Variants in ITPKB observed in about 807,000 individuals in gnomAD.
ITPKB encodes the protein IP3 3-kinase B.
Under a neutral mutation model 69.4 loss-of-function variants are expected in ITPKB, and 13 were observed. The ratio of observed to expected loss-of-function variants is 0.19; its 90% CI spans 0.12 to 0.30. The LOEUF is 0.30. Among genes scored for constraint, ITPKB ranks in the 10% least tolerant of loss-of-function variants. The probability of loss-of-function intolerance (pLI) is 1.00; values close to 1 mark genes in which losing one functional copy is unlikely to be tolerated. For synonymous variants in ITPKB, 584 were observed against 513.7 expected, an observed-to-expected ratio of 1.14 and a Z score of -1.85; for missense variants, 1,240 against 1,250.5, an observed-to-expected ratio of 0.99 and a Z score of 0.13.
intron 2 of ITPKB, among the ~76,000 whole-genome samples, chr1:226,694,486 T>C (rs1656430779): frequency 6.6e-6 from 1 of 152,196 alleles, no homozygotes; most frequent in Admixed American, 6.5e-5. Context: ...TAACAACTGA[T>C]CAACTGATGA....
At chr1:226,714,939 G>T (rs965098024) in intron 2 of ITPKB, among the ~76,000 whole-genome samples, 9 of 152,242 alleles carry the variant, frequency 5.9e-5, no homozygotes, top group Non-Finnish European at 1.0e-4. Flanking sequence ...ATGGGGGGAG[G>T]TGCTACTGAC....
At chr1:226,651,667 G>C (rs1277617098) in intron 2 of ITPKB, among the ~76,000 whole-genome samples, 2 of 152,224 alleles carry the variant, frequency 1.3e-5, no homozygotes, top group African/African-American at 4.8e-5. Context: ...GACCCAGGAA[G>C]GTGAACAGAT....
intron 2 of ITPKB, among the ~76,000 whole-genome samples, chr1:226,681,172 G>A (rs1420293395): frequency 6.6e-6 from 1 of 152,086 alleles, no homozygotes; most frequent in East Asian, 1.9e-4. Context: ...CCTAACGTGG[G>A]GTGCTTCTCA....
intron 2 of ITPKB, among the ~76,000 whole-genome samples, chr1:226,685,622 C>A (rs1365153268): frequency 1.3e-5 from 2 of 152,222 alleles, no homozygotes; most frequent in Non-Finnish European, 2.9e-5. Context: ...CTCCCTGCAG[C>A]CTCTACCCAA....
intron 2 of ITPKB, among the ~76,000 whole-genome samples, chr1:226,658,818 C>G (rs3820638): frequency 3.9e-5 from 6 of 152,092 alleles, no homozygotes; most frequent in African/African-American, 1.4e-4. Context: ...TCAGAAGCAA[C>G]TGCTGGGCCT....
chr1:226,678,684 C>G (rs1467287085), intron 2 of ITPKB, among the ~76,000 whole-genome samples: 1 of 152,050 alleles, frequency 6.6e-6, no homozygotes, highest in Non-Finnish European at 1.5e-5. Flanking sequence ...CAGTCCTGGC[C>G]AGAGAGAAAA....
intron 2 of ITPKB, among the ~76,000 whole-genome samples, chr1:226,733,823 G>A (rs185798275): frequency 2.0e-5 from 3 of 152,260 alleles, no homozygotes; most frequent in South Asian, 4.1e-4. Flanking sequence ...GTCACCTGTC[G>A]TTATTGATCT....
In ITPKB at chr1:226,737,170, C is replaced by T. The variant is rs1489336217; in HGVS notation, c.289G>A (p.Val97Met). The change falls in exon 2 of 8, where the codon GTG (valine) becomes ATG (methionine). Residue 97 changes from valine to methionine, a missense_variant. This residue lies in a region of ITPKB where 992 missense variants were observed against 853.8 expected (regional missense o/e 1.16). Coordinates refer to ENST00000429204, the MANE Select transcript of ITPKB (RefSeq NM_002221.4). ...CGACCAGCCCAACTTGGGCTGCTCACGCTACTGCCGCTGCTGCCGCTGCCA... is the reference window on the plus strand; with the variant it reads ...CGACCAGCCCAACTTGGGCTGCTCATGCTACTGCCGCTGCTGCCGCTGCCA... ...GSGSGSSGSS[V>M]SSPSWAGRLR... The T allele has an allele frequency of 3.2e-6, 5 of 1,578,840 alleles. No homozygotes were observed. The Admixed American group carries it at 8.7e-5, about 27-fold the overall frequency.
chr1:226,701,629 A>C (rs926054343), intron 2 of ITPKB, among the ~76,000 whole-genome samples: 14 of 150,618 alleles, frequency 9.3e-5, no homozygotes, highest in Admixed American at 2.7e-4. Flanking sequence ...AAAAAAAAAA[A>C]AACTTCACTT....
intron 2 of ITPKB, chr1:226,676,242 T>C (rs549872382): frequency 3.3e-5 from 5 of 152,324 alleles, no homozygotes; most frequent in African/African-American, 1.2e-4. Flanking sequence ...CAGGGTTGGT[T>C]TGGGATGGTG....
chr1:226,709,273 A>G (rs925646064), intron 2 of ITPKB, among the ~76,000 whole-genome samples: 18 of 152,080 alleles, frequency 1.2e-4, no homozygotes, highest in Non-Finnish European at 2.5e-4. Context: ...TTCTGGCTGC[A>G]CCCCCTCCCT....
intron 6 of ITPKB, among the ~76,000 whole-genome samples, chr1:226,638,036 G>A (rs906781890): frequency 2.0e-5 from 3 of 152,216 alleles, no homozygotes; most frequent in African/African-American, 7.2e-5. Flanking sequence ...GCTGGCCTTG[G>A]GGGGTGCCCC....
At chr1:226,682,857 T>A (rs2102775051) in intron 2 of ITPKB, among the ~76,000 whole-genome samples, 1 of 152,284 alleles carries the variant, frequency 6.6e-6, no homozygotes, top group Admixed American at 6.5e-5. Context: ...AGTCCCTTTT[T>A]CTCTGCAAGT....
chr1:226,634,884 G>A lies in ITPKB; in HGVS notation c.2628C>T (p.Val876=), dbSNP rs144146349. Residue 876 remains valine, a splice_region_variant and synonymous_variant, in exon 8 of 8, where the codon GTC becomes GTT. Coordinates refer to ENST00000429204, the MANE Select transcript of ITPKB (RefSeq NM_002221.4). This position sits in a 1 kb window ranked among gnomAD's most constrained non-coding sequence, Gnocchi z 6.3. The part of the protein sequence containing the change: ...EVSPFFKCHE[V]IGSSLLFIHD... ...GGATGAAGAGGAGGGAGCTGCCAAT[G>A]ACCTGAGGAGAACATGGGGGTGAAG... The A allele has an allele frequency of 3.7e-4, 604 of 1,611,472 alleles. 1 individual carries two copies. Among genetic ancestry groups the A allele is most frequent in the Non-Finnish European group, 4.8e-4 (562 of 1,178,290 alleles).
rs757138117 is a variant in ITPKB at position 226,665,627 on chromosome 1, G to A, written c.1933-16856C>T. 8.5e-5 allele frequency among the ~76,000 whole-genome samples: 13 copies of A among 152,134 alleles called. No homozygotes were observed. The South Asian group carries it at 1.2e-3, about 15-fold the overall frequency. ...CACAAAAGCTACCTCGGTGGTCACC[G>A]GCGGGGGCTGAGATGGAAGCCAGGA... On this transcript the variant is annotated intron_variant, in intron 2 of 7. Transcript: ENST00000429204.
At chr1:226,728,145 T>C (rs1286439641) in intron 2 of ITPKB, among the ~76,000 whole-genome samples, 1 of 152,218 alleles carries the variant, frequency 6.6e-6, no homozygotes, top group East Asian at 1.9e-4. Context: ...CAGAGGTTCA[T>C]TCTGCTTCCT....
chr1:226,673,948 T>TC (rs1669674127), intron 2 of ITPKB, among the ~76,000 whole-genome samples: 1 of 152,136 alleles, frequency 6.6e-6, no homozygotes, highest in South Asian at 2.1e-4. Context: ...GGGCCTTTCT[T>TC]CCCCATGACT....
intron 7 of ITPKB, among the ~76,000 whole-genome samples, 178 bp from the exon 8 acceptor site, chr1:226,635,064 G>A (rs1248132876): frequency 2.0e-5 from 3 of 152,194 alleles, no homozygotes; most frequent in Non-Finnish European, 4.4e-5. Flanking sequence ...GGCCATGCCT[G>A]GGCAGAGGGC....
At chr1:226,678,444 G>A (rs1001921584) in intron 2 of ITPKB, among the ~76,000 whole-genome samples, 5 of 152,214 alleles carry the variant, frequency 3.3e-5, no homozygotes, top group Non-Finnish European at 7.3e-5. Flanking sequence ...GGCAGAGGCC[G>A]AGCCCCTGGA....
Sources: gnomAD v4.1 joint callset for allele counts (sites outside exome capture counted in the v4.1 genomes callset) on GRCh38, gnomAD v4.1.1 for gene constraint, gnomAD v4.1.1 regional missense constraint, Gnocchi (gnomAD v3.1) non-coding constraint, MANE v1.5 for transcripts, NCBI Gene and HGNC (gene_info 2026-07-23, HGNC 2026-07-21) for gene names.